PTPRK: variants seen among roughly 807,000 people sequenced by gnomAD.
PTPRK encodes receptor-type tyrosine-protein phosphatase kappa.
PTPRK carries 75 observed loss-of-function variants against 178.0 expected under a neutral mutation model. The ratio of observed to expected loss-of-function variants is 0.42; its 90% CI spans 0.35 to 0.51. PTPRK has a LOEUF of 0.51. Among genes scored for constraint, PTPRK ranks in the 20% least tolerant of loss-of-function variants. PTPRK has a pLI of 0.02. For synonymous variants in PTPRK, 637 were observed against 620.6 expected, an observed-to-expected ratio of 1.03 and a Z score of -0.39; for missense variants, 1,441 against 1,797.8, an observed-to-expected ratio of 0.80 and a Z score of 3.59.
intron 1 of PTPRK, among the ~76,000 whole-genome samples, chr6:128,438,378 T>C (rs998485903): frequency 6.6e-6 from 1 of 152,214 alleles, no homozygotes; most frequent in Non-Finnish European, 1.5e-5. Context: ...AAGTTTCTTC[T>C]TTGAAATGGC....
intron 7 of PTPRK, among the ~76,000 whole-genome samples, chr6:128,171,955 G>A (rs17055403): frequency 0.022 from 3,327 of 151,760 alleles, 101 homozygotes; most frequent in African/African-American, 0.046. Context: ...CTTCTAACTC[G>A]TCTTCTTAAA....
intron 7 of PTPRK, among the ~76,000 whole-genome samples, chr6:128,137,716 G>C (rs994164288): frequency 2.0e-5 from 3 of 152,006 alleles, no homozygotes; most frequent in African/African-American, 7.2e-5. Context: ...TAGTCTTTTA[G>C]AAGTAATGGG....
intron 7 of PTPRK, among the ~76,000 whole-genome samples, chr6:128,106,945 A>C (rs1789820273): frequency 6.6e-6 from 1 of 152,138 alleles, no homozygotes; most frequent in South Asian, 2.1e-4. Context: ...TGGTAAGTAT[A>C]AATGATCTGA....
At chr6:128,302,559 C>A (rs922221399) in intron 3 of PTPRK, among the ~76,000 whole-genome samples, 3 of 152,110 alleles carry the variant, frequency 2.0e-5, no homozygotes, top group African/African-American at 7.2e-5. Flanking sequence ...ATTTTAACTT[C>A]TTTGAGATTT....
At chr6:128,351,072 T>C (rs562254203) in intron 2 of PTPRK, among the ~76,000 whole-genome samples, 6 of 152,132 alleles carry the variant, frequency 3.9e-5, no homozygotes, top group Non-Finnish European at 7.4e-5. Flanking sequence ...CAGCCCTGAG[T>C]CTACAGATGA....
At chr6:128,208,516 G>A (rs1562793025) in intron 6 of PTPRK, among the ~76,000 whole-genome samples, 1 of 152,126 alleles carries the variant, frequency 6.6e-6, no homozygotes, top group Admixed American at 6.6e-5. Flanking sequence ...GAATCTACAT[G>A]AAGCAGTGGG....
chr6:128,139,703 T>C (rs1009722795), intron 7 of PTPRK, among the ~76,000 whole-genome samples: 1 of 152,056 alleles, frequency 6.6e-6, no homozygotes, highest in Admixed American at 6.6e-5. Context: ...TGCCAGTTTC[T>C]GATGAGTCAT....
At chr6:128,028,275 G>A (rs1338939294) in intron 13 of PTPRK, among the ~76,000 whole-genome samples, 4 of 152,066 alleles carry the variant, frequency 2.6e-5, no homozygotes, top group African/African-American at 9.7e-5. Flanking sequence ...ATAAAAAAAA[G>A]GAAAAAGCAA....
chr6:128,084,810 T>C (rs923353313), intron 8 of PTPRK: 6 of 152,200 alleles, frequency 3.9e-5, no homozygotes, highest in Admixed American at 1.3e-4. Context: ...TCTATCCTAC[T>C]TGGCTAAAAA....
chr6:127,998,789 T>C lies in PTPRK; in HGVS notation c.2610A>G (p.Val870=), dbSNP rs1369510515. ...GATTAATGTGCTGCAGTAAATCAGC[T>C]ACCCTGATGGCTGGATGCAGCTGTC... ...QTGQLHPAIR[V]ADLLQHINLM... The change falls in exon 16 of 30, where the codon GTA becomes GTG. Residue 870 remains valine (V), a synonymous_variant. Transcript: ENST00000368226. 17 of 1,610,872 alleles carry C rather than the reference T, an allele frequency of 1.1e-5. No individual in the cohort carries two copies. The highest frequency in any genetic ancestry group is 1.4e-5 in the Non-Finnish European group (16 of 1,177,986).
intron 7 of PTPRK, among the ~76,000 whole-genome samples, chr6:128,151,317 T>C (rs1467688819): frequency 6.6e-6 from 1 of 152,062 alleles, no homozygotes; most frequent in Non-Finnish European, 1.5e-5. Flanking sequence ...TATGAATGTA[T>C]ATTGCCACAA....
chr6:128,382,317 A>C (rs1584456753), intron 2 of PTPRK, among the ~76,000 whole-genome samples: 1 of 151,980 alleles, frequency 6.6e-6, no homozygotes, highest in East Asian at 1.9e-4. Context: ...CTATTATAGA[A>C]TACTATCTTT....
intron 3 of PTPRK, among the ~76,000 whole-genome samples, chr6:128,255,839 T>C (rs1166246846): frequency 6.6e-6 from 1 of 152,216 alleles, no homozygotes; most frequent in Non-Finnish European, 1.5e-5. Flanking sequence ...TCTAGGCTGA[T>C]CTCCAAGCTG....
intron 7 of PTPRK, among the ~76,000 whole-genome samples, chr6:128,135,080 A>ACT (rs746621097): frequency 3.6e-4 from 45 of 125,448 alleles, no homozygotes; most frequent in African/African-American, 1.1e-3. Context: ...TCATTCAATC[A>ACT]CACACACACA....
chr6:128,023,707 G>A (rs1773866569), intron 13 of PTPRK, among the ~76,000 whole-genome samples: 1 of 152,154 alleles, frequency 6.6e-6, no homozygotes, highest in South Asian at 2.1e-4. Flanking sequence ...GGGCTAGAGT[G>A]CAATGGAGCT....
chr6:128,464,641 A>ATATATATATATATATATATG (rs1849562497), intron 1 of PTPRK, among the ~76,000 whole-genome samples: 1 of 64,606 alleles, frequency 1.5e-5, no homozygotes, highest in Non-Finnish European at 2.8e-5. Context: ...ATATACACAT[A>ATATATATATATATATATATG]TATATATATA....
Position 128,520,400 on chromosome 6 carries a change from G to T in PTPRK, c.-42C>A. The T allele has an allele frequency of 6.4e-7, 1 of 1,555,044 alleles. No individual in the cohort carries two copies. The highest frequency in any genetic ancestry group is 8.7e-7 in the Non-Finnish European group (1 of 1,145,200). On this transcript the variant is annotated 5_prime_UTR_variant, in exon 1 of 30. Transcript: ENST00000368226. ...GTTTCAAGCAGCTTTGCAAAGAGCT[G>T]CCGGGGGGATCGCCGCGAAATCCAC...
intron 9 of PTPRK, 121 bp downstream of exon 9, chr6:128,083,594 A>T (rs554959210): frequency 3.7e-4 from 166 of 450,360 alleles, no homozygotes; most frequent in Non-Finnish European, 5.3e-4. Context: ...AACAAAGGAG[A>T]ATGATTTTAA....
chr6:128,232,762 G>A (rs1200537491), intron 5 of PTPRK, among the ~76,000 whole-genome samples: 1 of 152,078 alleles, frequency 6.6e-6, no homozygotes, highest in Non-Finnish European at 1.5e-5. Flanking sequence ...TCACTGTTTT[G>A]GTACTTATAT....
Sources: gnomAD v4.1 joint callset for allele counts (sites outside exome capture counted in the v4.1 genomes callset) on GRCh38, gnomAD v4.1.1 for gene constraint, MANE v1.5 for transcripts, NCBI Gene and HGNC (gene_info 2026-07-23, HGNC 2026-07-21) for gene names.